WASHC2C: variants seen among roughly 807,000 people sequenced by gnomAD.
WASHC2C encodes the protein Vaccinia Penetration Factor.
Under a neutral mutation model 142.2 loss-of-function variants are expected in WASHC2C, and 73 were observed. The observed-to-expected ratio is 0.51, with a 90% CI of 0.43 to 0.62. The LOEUF (loss-of-function observed/expected upper bound fraction) is 0.62. WASHC2C is among the 20% of genes least tolerant of loss of function. The pLI is 0.00. For synonymous variants in WASHC2C, 337 were observed against 565.5 expected, an observed-to-expected ratio of 0.60 and a Z score of 5.73; for missense variants, 969 against 1,531.7, an observed-to-expected ratio of 0.63 and a Z score of 6.13.
At chr10:45,735,906 G>GATTT (rs1471235041) in intron 3 of WASHC2C, among the ~76,000 whole-genome samples, 1 of 152,064 alleles carries the variant, frequency 6.6e-6, no homozygotes, top group Non-Finnish European at 1.5e-5. Flanking sequence ...TGACTATTAA[G>GATTT]ATTTATTTAT....
At chr10:45,766,106 C>T (rs1450938665) in intron 19 of WASHC2C, among the ~76,000 whole-genome samples, 2 of 152,046 alleles carry the variant, frequency 1.3e-5, no homozygotes, top group Admixed American at 6.5e-5. Context: ...AGTTCATGGT[C>T]GAGTCCCTTA....
At chr10:45,751,434 T>A (rs1387015120) in intron 10 of WASHC2C, 48 bp from the exon 11 acceptor site, 18 of 922,458 alleles carry the variant, frequency 2.0e-5, no homozygotes, top group Non-Finnish European at 3.0e-5. Context: ...AGGATGTGTA[T>A]ACTGAGGGAG....
intron 8 of WASHC2C, 53 bp downstream of exon 8, chr10:45,746,700 G>A (rs1343614954): frequency 1.5e-5 from 24 of 1,595,634 alleles, no homozygotes; most frequent in Middle Eastern, 1.7e-4. Flanking sequence ...TTGAAGCATA[G>A]TATATATACT....
At position 45,768,258 on chromosome 10, in the gene WASHC2C, AAGAG is replaced by A. The variant is rs1167036251; in HGVS notation, c.1870-1189_1870-1186del. On this transcript the variant is annotated intron_variant, in intron 19 of 30. Coordinates refer to ENST00000623400, the MANE Select transcript of WASHC2C (RefSeq NM_001330074.2). ...GGAAAAAAAAAAAAAAAAAAAAAGA[AAGAG>A]AAGACCTAACGAGTGCTGACAGTGG... 3.7e-3 allele frequency among the ~76,000 whole-genome samples: 559 copies of A among 151,254 alleles called. 3 individuals carry two copies. The highest frequency in any genetic ancestry group is 0.011 in the African/African-American group (454 of 41,248).
chr10:45,771,395 T>C (rs547809341), intron 20 of WASHC2C: 23 of 581,092 alleles, frequency 4.0e-5, no homozygotes, highest in Non-Finnish European at 4.7e-5. Context: ...AGGCCTTTCC[T>C]AACTTTAAAC....
intron 8 of WASHC2C, among the ~76,000 whole-genome samples, chr10:45,749,595 C>T (rs1180750317): frequency 6.7e-6 from 1 of 149,606 alleles, no homozygotes; most frequent in Non-Finnish European, 1.5e-5. Context: ...GAGGCTGAGG[C>T]GGGTGGATCA....
chr10:45,744,793 T>C (rs2052605639), intron 6 of WASHC2C, 28 bp from the exon 7 acceptor site: 1 of 565,034 alleles, frequency 1.8e-6, no homozygotes, highest in Non-Finnish European at 3.1e-6. Flanking sequence ...AATATTGGTG[T>C]GGTGACCCTT....
At position 45,727,535 on chromosome 10, in the gene WASHC2C, C is replaced by T; in HGVS notation, c.122C>T (p.Ala41Val). The change falls in exon 2 of 31, where the codon GCG becomes GTG. Residue 41 changes from alanine to valine, a missense_variant. Ala to Val is a moderately conservative substitution (Grantham distance 64). Coordinates refer to ENST00000623400, the MANE Select transcript of WASHC2C (RefSeq NM_001330074.2). ...CAGAGCTGGTCGCTGGCGGCCGACG[C>T]GGGCGTGAGAGGCGGGCCCCGGGGA... ...SSQSWSLAAD[A>V]GLLQFLQEFS... 4 of 1,584,224 alleles carry T rather than the reference C, an allele frequency of 2.5e-6. No homozygotes were observed. The highest frequency in any genetic ancestry group is 3.4e-6 in the Non-Finnish European group (4 of 1,166,924).
chr10:45,735,453 C>T (rs1386246391), intron 3 of WASHC2C, among the ~76,000 whole-genome samples: 2 of 151,430 alleles, frequency 1.3e-5, no homozygotes, highest in Non-Finnish European at 2.9e-5. Flanking sequence ...GTTGGCCAGG[C>T]TGGTCTCAAA....
chr10:45,756,825 T>C (rs1383937593), intron 15 of WASHC2C, among the ~76,000 whole-genome samples, 187 bp from the exon 16 acceptor site: 29 of 151,890 alleles, frequency 1.9e-4, no homozygotes, highest in African/African-American at 6.8e-4. Flanking sequence ...TCAACTGAAC[T>C]GCTACTATGC....
In WASHC2C at chr10:45,784,250, GTGTATATA is replaced by G. The variant is rs1564818999; in HGVS notation, c.2479-313_2479-306del. Among the ~76,000 whole-genome samples the G allele has an allele frequency of 6.2e-3, 140 of 22,542 alleles. 1 individual carries two copies. Among genetic ancestry groups the G allele is most frequent in the African/African-American group, 0.016 (133 of 8,444 alleles). The allele number at this position is 22,542 out of a possible 152,430, so 14.8% of individuals were successfully genotyped here. A position where few individuals can be genotyped will look rare whatever the true frequency, so the allele number is the denominator to read the frequency against. ...TGCATATATATATATATGTGTGTGT[GTGTATATA>G]TATATATATATATATATATATATAT... is the stretch of plus-strand genomic sequence containing the variant. On this transcript the variant is annotated intron_variant, in intron 23 of 30. Transcript: ENST00000623400.
intron 3 of WASHC2C, among the ~76,000 whole-genome samples, chr10:45,730,721 G>A (rs543326564): frequency 2.0e-5 from 3 of 151,600 alleles, no homozygotes; most frequent in African/African-American, 4.9e-5. Flanking sequence ...CCGGGTTCAC[G>A]CCATTCTCCT....
At chr10:45,773,516 T>A (rs2056791247) in intron 21 of WASHC2C, among the ~76,000 whole-genome samples, 158 bp downstream of exon 21, 1 of 152,290 alleles carries the variant, frequency 6.6e-6, no homozygotes, top group South Asian at 2.1e-4. Context: ...TGATTAATAG[T>A]ATTCTACAGA....
At chr10:45,750,876 G>T in intron 10 of WASHC2C, 38 bp downstream of exon 10, 1 of 1,526,122 alleles carries the variant, frequency 6.6e-7, no homozygotes, top group East Asian at 2.5e-5. Flanking sequence ...TAGGGGAGGA[G>T]TAGTGCAGGG....
chr10:45,747,385 C>A (rs1255597673), intron 8 of WASHC2C, among the ~76,000 whole-genome samples: 3 of 152,016 alleles, frequency 2.0e-5, no homozygotes, highest in Non-Finnish European at 4.4e-5. Context: ...CTCAGGTAAT[C>A]CACCCACCTT....
intron 3 of WASHC2C, 42 bp downstream of exon 3, chr10:45,729,068 G>A: frequency 1.3e-6 from 2 of 1,546,560 alleles, no homozygotes; most frequent in South Asian, 1.3e-5. Flanking sequence ...TTTGGGAGTA[G>A]GAGATATTGT....
intron 4 of WASHC2C, among the ~76,000 whole-genome samples, chr10:45,738,975 A>G (rs1274169952): frequency 6.6e-6 from 1 of 152,136 alleles, no homozygotes; most frequent in African/African-American, 2.4e-5. Context: ...CCAAAGTGCT[A>G]GGATTACAGG....
At position 45,764,761 on chromosome 10, in the gene WASHC2C, C is replaced by T. The variant is rs2257500; in HGVS notation, c.1738-918C>T. ...TGTGGCTTAACAGTGAGTAGGGTCA[C>T]TGTGGCAGCTGTAACTACTAGTGTG... On this transcript the variant is annotated intron_variant, in intron 18 of 30. Coordinates refer to ENST00000623400, the MANE Select transcript of WASHC2C (RefSeq NM_001330074.2). Among the ~76,000 whole-genome samples, 1,000 of 152,114 alleles carry T rather than the reference C, an allele frequency of 6.6e-3. 1 individual carries two copies. The highest frequency in any genetic ancestry group is 0.02 in the African/African-American group (836 of 41,400).
intron 14 of WASHC2C, 111 bp downstream of exon 14, chr10:45,754,656 CA>C (rs1321928908): frequency 9.2e-7 from 1 of 1,086,278 alleles, no homozygotes; most frequent in African/African-American, 1.6e-5. Flanking sequence ...CTGGGAGCTT[CA>C]AAGGGCTTTG....
Sources: gnomAD v4.1 joint callset for allele counts (sites outside exome capture counted in the v4.1 genomes callset) on GRCh38, gnomAD v4.1.1 for gene constraint, MANE v1.5 for transcripts, NCBI Gene and HGNC (gene_info 2026-07-23, HGNC 2026-07-21) for gene names.